The following OIP5 variants were observed in gnomAD, a reference collection of about 807,000 sequenced individuals.
OIP5 encodes the protein protein Mis18-beta.
Under a neutral mutation model 20.3 loss-of-function variants are expected in OIP5, and 24 were observed. The ratio of observed to expected loss-of-function variants is 1.18; its 90% CI spans 0.86 to 1.66. The LOEUF (loss-of-function observed/expected upper bound fraction) is 1.66. OIP5 is among the 40% of genes most tolerant of loss of function. The pLI is 0.00. For missense variants in OIP5, 339 were observed against 289.5 expected (o/e 1.17, Z -1.24); for synonymous variants, 143 against 121.3 (o/e 1.18, Z -1.17).
At chr15:41,328,736 G>A (rs1010564295) in intron 2 of OIP5, among the ~76,000 whole-genome samples, 2 of 151,992 alleles carry the variant, frequency 1.3e-5, no homozygotes, top group African/African-American at 2.4e-5. Context: ...CAGATTGAGA[G>A]GGATCAATTT....
Position 41,309,831 on chromosome 15 carries a change from G to A in OIP5, c.613C>T (p.Leu205=), listed in dbSNP as rs753733170. Residue 205 remains leucine (L), a synonymous_variant, in exon 5 of 5, where the codon CTA becomes TTA. Coordinates refer to ENST00000220514, the MANE Select transcript of OIP5 (RefSeq NM_007280.2). ...AGTGATTTTAAGCGATTGTGCGTTA[G>A]CACTATCTTCTCTTTCAGCTAGGAA... ...KIAELKEKIV[L]THNRLKSLMK... 1.2e-6 allele frequency: 2 copies of A among 1,612,344 alleles called. No individual in the cohort carries two copies. Among genetic ancestry groups the A allele is most frequent in the Non-Finnish European group, 1.7e-6 (2 of 1,178,658 alleles).
chr15:41,315,011 C>A (rs1051806515), intron 3 of OIP5, among the ~76,000 whole-genome samples: 1 of 148,794 alleles, frequency 6.7e-6, no homozygotes, highest in Non-Finnish European at 1.5e-5. Flanking sequence ...ACTTGGGAGG[C>A]TGAGTTGGGA....
At chr15:41,325,039 C>A (rs1315645916) in intron 2 of OIP5, among the ~76,000 whole-genome samples, 2 of 152,068 alleles carry the variant, frequency 1.3e-5, no homozygotes, top group Non-Finnish European at 2.9e-5. Context: ...TTGTGGCATC[C>A]CACAATTACA....
chr15:41,330,848 G>T (rs1020048377), intron 2 of OIP5, among the ~76,000 whole-genome samples: 6 of 152,038 alleles, frequency 3.9e-5, no homozygotes, highest in African/African-American at 1.4e-4. Context: ...AGGACAGCAC[G>T]GGTCTAGATT....
In OIP5 at chr15:41,313,253, C is replaced by A. The variant is rs959829946; in HGVS notation, c.594+20G>T. 2.0e-6 allele frequency: 3 copies of A among 1,464,444 alleles called. No homozygotes were observed. The highest frequency in any genetic ancestry group is 1.7e-4 in the Middle Eastern group (1 of 5,820). The allele number at this position is 1,464,444 out of a possible 1,614,324, so 90.7% of individuals were successfully genotyped here. ...GTTGTCTGTATTTTAAAAAAGCATA[C>A]AACCATCATGAAATTTTACCTCTGC... On this transcript the variant is annotated intron_variant, in intron 4 of 4. Transcript: ENST00000220514.
chr15:41,327,928 T>C (rs989310112), intron 2 of OIP5, among the ~76,000 whole-genome samples: 2 of 152,084 alleles, frequency 1.3e-5, no homozygotes, highest in Admixed American at 1.3e-4. Context: ...GGCAACATGT[T>C]GAAACCCTAT....
intron 2 of OIP5, among the ~76,000 whole-genome samples, chr15:41,326,277 A>G (rs2047861293): frequency 1.3e-5 from 2 of 152,240 alleles, no homozygotes. Flanking sequence ...AGATAGTGAG[A>G]TTAATGATAT....
intron 2 of OIP5, among the ~76,000 whole-genome samples, chr15:41,328,939 G>A (rs956536164): frequency 6.6e-6 from 1 of 151,240 alleles, no homozygotes; most frequent in Non-Finnish European, 1.5e-5. Context: ...AGTGGCGTGC[G>A]CCTGGAATCC....
At chr15:41,316,193 C>A (rs947465003) in intron 3 of OIP5, among the ~76,000 whole-genome samples, 59 of 151,916 alleles carry the variant, frequency 3.9e-4, no homozygotes, top group Non-Finnish European at 1.3e-4. Context: ...TGCCTGTAAT[C>A]TTAACATTTT....
intron 4 of OIP5, among the ~76,000 whole-genome samples, chr15:41,310,833 A>G (rs550872124): frequency 6.6e-6 from 1 of 152,340 alleles, no homozygotes; most frequent in East Asian, 1.9e-4. Context: ...CTCTGACTTT[A>G]ACATTCTACT....
At chr15:41,311,487 T>G (rs367770188) in intron 4 of OIP5, among the ~76,000 whole-genome samples, 1 of 152,198 alleles carries the variant, frequency 6.6e-6, no homozygotes, top group East Asian at 1.9e-4. Flanking sequence ...CTTAAGATGG[T>G]TGTTTCCTTT....
chr15:41,311,854 C>T (rs1340981952), intron 4 of OIP5, among the ~76,000 whole-genome samples: 6 of 104,030 alleles, frequency 5.8e-5, no homozygotes, highest in African/African-American at 1.6e-4. Context: ...GTGTGAGCCA[C>T]CGCACCCAGC....
chr15:41,325,274 G>A (rs568464507), intron 2 of OIP5, among the ~76,000 whole-genome samples: 3 of 152,016 alleles, frequency 2.0e-5, no homozygotes, highest in East Asian at 3.9e-4. Context: ...GTGTGGTGGC[G>A]GGCCCCTGTA....
intron 4 of OIP5, among the ~76,000 whole-genome samples, chr15:41,310,405 T>C (rs2047746743): frequency 6.6e-6 from 1 of 152,126 alleles, no homozygotes; most frequent in South Asian, 2.1e-4. Flanking sequence ...GTTGGGCAGA[T>C]CACGAGGTCA....
chr15:41,315,944 G>A (rs539271385), intron 3 of OIP5, among the ~76,000 whole-genome samples: 8 of 152,060 alleles, frequency 5.3e-5, no homozygotes, highest in Admixed American at 3.3e-4. Context: ...TGGCTAACAC[G>A]GTAAAACCCC....
At chr15:41,313,998 T>C (rs1391180943) in intron 3 of OIP5, among the ~76,000 whole-genome samples, 2 of 152,154 alleles carry the variant, frequency 1.3e-5, no homozygotes, top group Non-Finnish European at 2.9e-5. Flanking sequence ...ATAATTACGA[T>C]GATTATAAGC....
At chr15:41,313,506 A>T (rs545678502) in intron 3 of OIP5, 152 bp from the exon 4 acceptor site, 1 of 577,522 alleles carries the variant, frequency 1.7e-6, no homozygotes, top group South Asian at 2.1e-5. Flanking sequence ...TTGGCCCACC[A>T]TATCCATGGG....
chr15:41,309,766 CT>C lies in OIP5; in HGVS notation c.677del (p.Lys226SerfsTer27). 6.2e-7 allele frequency: 1 copy of C among 1,613,184 alleles called. No homozygotes were observed. Among genetic ancestry groups the C allele is most frequent in the South Asian group, 1.1e-5 (1 of 91,050 alleles). On this transcript the variant is annotated frameshift_variant, in exon 5 of 5. Transcript: ENST00000220514. LOFTEE classifies it high-confidence loss of function. ...ILSEVTPDQS[K>X]PEN ...CTTTGGTACAGGATCAGTTTTCTGG[CT>C]TGGACTGGTCAGGAGTCACTTCACT...
chr15:41,332,541 C>G lies in OIP5; in HGVS notation c.21G>C (p.Arg7=). Residue 7 remains arginine, a synonymous_variant, in exon 1 of 5, where the codon CGG becomes CGC. Coordinates refer to ENST00000220514, the MANE Select transcript of OIP5 (RefSeq NM_007280.2). The part of the protein sequence containing the change: MAAQPL[R]HRSRCATPPR... The stretch of plus-strand genomic sequence containing the variant: ...GCGGCGTTGCACAACGTGAGCGATG[C>G]CGCAGCGGCTGAGCCGCCATCTTCC... 1 of 1,606,314 alleles carries G rather than the reference C, an allele frequency of 6.2e-7. No homozygotes were observed. Among genetic ancestry groups the G allele is most frequent in the Non-Finnish European group, 8.5e-7 (1 of 1,176,846 alleles).
Sources: allele counts gnomAD v4.1 joint callset (sites outside exome capture counted in the v4.1 genomes callset), GRCh38; gene constraint gnomAD v4.1.1; transcripts MANE v1.5; gene names NCBI Gene and HGNC (gene_info 2026-07-23, HGNC 2026-07-21).